SLC44A1: variants seen among roughly 807,000 people sequenced by gnomAD.
SLC44A1 encodes solute carrier family 44 member 1, also known as choline transporter-like protein 1.
A neutral mutation model predicts 79.3 loss-of-function variants in SLC44A1; 26 were observed. The observed-to-expected ratio is 0.33, with a 90% CI of 0.24 to 0.46. The LOEUF is 0.46. Among genes scored for constraint, SLC44A1 ranks in the 20% least tolerant of loss-of-function variants. SLC44A1 has a pLI of 1.00. For missense variants in SLC44A1, 688 were observed against 798.1 expected, an observed-to-expected ratio of 0.86 and a Z score of 1.66; for synonymous variants, 263 against 286.2, an observed-to-expected ratio of 0.92 and a Z score of 0.82.
At chr9:105,434,476 G>A (rs1204703045) in intron 15 of SLC44A1, among the ~76,000 whole-genome samples, 1 of 152,178 alleles carries the variant, frequency 6.6e-6, no homozygotes, top group African/African-American at 2.4e-5. Context: ...AGAAAGTAGG[G>A]CAAAAATAAG....
intron 15 of SLC44A1, among the ~76,000 whole-genome samples, chr9:105,419,278 T>C (rs745855699): frequency 1.3e-5 from 2 of 152,198 alleles, no homozygotes; most frequent in Non-Finnish European, 2.9e-5. Context: ...TCCTGAAATA[T>C]TACCCTGCTG....
intron 3 of SLC44A1, among the ~76,000 whole-genome samples, chr9:105,323,873 ACT>A (rs1393081615): frequency 6.6e-6 from 1 of 151,988 alleles, no homozygotes; most frequent in Non-Finnish European, 1.5e-5. Context: ...GTAATTCTAA[ACT>A]TTCCCCACTC....
At chr9:105,264,089 T>G (rs1465850504) in intron 1 of SLC44A1, among the ~76,000 whole-genome samples, 5 of 152,220 alleles carry the variant, frequency 3.3e-5, no homozygotes, top group Non-Finnish European at 7.3e-5. Flanking sequence ...CCCTACCCTG[T>G]GCACCTACTT....
intron 15 of SLC44A1, among the ~76,000 whole-genome samples, chr9:105,431,199 T>C (rs1057336038): frequency 6.6e-6 from 1 of 152,228 alleles, no homozygotes; most frequent in African/African-American, 2.4e-5. Context: ...ATTTAGGTCA[T>C]TGATCTATTT....
intron 1 of SLC44A1, among the ~76,000 whole-genome samples, chr9:105,280,061 A>G (rs990310450): frequency 1.3e-5 from 2 of 152,262 alleles, no homozygotes; most frequent in African/African-American, 2.4e-5. Context: ...CTAGAGGGAC[A>G]TACATTGTTT....
In SLC44A1 at chr9:105,298,785, G is replaced by T. The variant is rs1350415232; in HGVS notation, c.37-435G>T. ...TAGCATTAAGAGTGAAGTTGGAAGAGTGTATTCATTTATTTATTCATTTTT... is the reference window on the plus strand; with the variant it reads ...TAGCATTAAGAGTGAAGTTGGAAGATTGTATTCATTTATTTATTCATTTTT... On this transcript the variant is annotated intron_variant, in intron 1 of 15. Transcript: ENST00000374720. Among the ~76,000 whole-genome samples the T allele has an allele frequency of 2.0e-5, 3 of 152,174 alleles. No individual in the cohort carries two copies. The East Asian group carries it at 5.8e-4, about 29-fold the overall frequency.
At chr9:105,274,823 G>A (rs971219915) in intron 1 of SLC44A1, among the ~76,000 whole-genome samples, 7 of 152,210 alleles carry the variant, frequency 4.6e-5, no homozygotes, top group Admixed American at 3.9e-4. Context: ...CATAGATAGG[G>A]TTAAGTGATT....
At chr9:105,372,907 G>A (rs887698342) in intron 12 of SLC44A1, among the ~76,000 whole-genome samples, 6 of 145,270 alleles carry the variant, frequency 4.1e-5, no homozygotes, top group African/African-American at 5.1e-5. Flanking sequence ...CCGAGATCCC[G>A]CCACTGCACT....
intron 1 of SLC44A1, among the ~76,000 whole-genome samples, chr9:105,291,897 T>C (rs1171175347): frequency 6.6e-6 from 1 of 152,214 alleles, no homozygotes; most frequent in African/African-American, 2.4e-5. Context: ...CTCTTGATTG[T>C]GCGTAAATTT....
At chr9:105,263,542 T>TC in intron 1 of SLC44A1, among the ~76,000 whole-genome samples, 1 of 150,998 alleles carries the variant, frequency 6.6e-6, no homozygotes, top group Non-Finnish European at 1.5e-5. Context: ...TGTGTATTTT[T>TC]TTTTTTTTTT....
At chr9:105,332,866 G>A (rs1349896860) in intron 3 of SLC44A1, among the ~76,000 whole-genome samples, 1 of 152,192 alleles carries the variant, frequency 6.6e-6, no homozygotes, top group African/African-American at 2.4e-5. Flanking sequence ...GAATCACTGA[G>A]TGCATACTAT....
intron 13 of SLC44A1, among the ~76,000 whole-genome samples, 190 bp from the exon 14 acceptor site, chr9:105,382,933 T>C (rs138862472): frequency 1.1e-4 from 17 of 152,348 alleles, no homozygotes; most frequent in Middle Eastern, 3.4e-3. Context: ...TTAAAATTTA[T>C]ATTATATGAT....
At chr9:105,407,570 G>C (rs1829044154) in intron 15 of SLC44A1, among the ~76,000 whole-genome samples, 1 of 152,150 alleles carries the variant, frequency 6.6e-6, no homozygotes, top group Non-Finnish European at 1.5e-5. Flanking sequence ...CACCAAAACT[G>C]AAAGAAGGCC....
intron 5 of SLC44A1, among the ~76,000 whole-genome samples, chr9:105,351,217 T>C (rs1233603478): frequency 1.3e-5 from 2 of 152,178 alleles, no homozygotes; most frequent in Non-Finnish European, 2.9e-5. Flanking sequence ...GAATTAATGA[T>C]ACAATAATGT....
At chr9:105,269,720 T>C (rs1830037128) in intron 1 of SLC44A1, among the ~76,000 whole-genome samples, 1 of 152,214 alleles carries the variant, frequency 6.6e-6, no homozygotes, top group Non-Finnish European at 1.5e-5. Flanking sequence ...CTCTCTGTGT[T>C]GTATTGCTGT....
intron 15 of SLC44A1, among the ~76,000 whole-genome samples, chr9:105,428,957 G>C (rs1829357527): frequency 6.6e-6 from 1 of 152,218 alleles, no homozygotes; most frequent in Non-Finnish European, 1.5e-5. Context: ...GCCTGCCTTA[G>C]CCTCCCAGAG....
In SLC44A1 at chr9:105,298,831, ATAT is replaced by A. The variant is rs1279101831; in HGVS notation, c.37-385_37-383del. Reference sequence around the variant, plus strand: ...TTTTTAAAAAGCCCTCACTGAGTACATATTATGAACCCTCAGGCATCATGTTAG... The same window carrying A: ...TTTTTAAAAAGCCCTCACTGAGTACATATGAACCCTCAGGCATCATGTTAG... On this transcript the variant is annotated intron_variant, in intron 1 of 15. Transcript: ENST00000374720. Among the ~76,000 whole-genome samples, 6 of 152,206 alleles carry A rather than the reference ATAT, an allele frequency of 3.9e-5. 1 individual carries two copies. The highest frequency in any genetic ancestry group is 1.4e-4 in the African/African-American group (6 of 41,444).
At chr9:105,420,997 TAAA>T (rs1829242229) in intron 15 of SLC44A1, among the ~76,000 whole-genome samples, 1 of 149,512 alleles carries the variant, frequency 6.7e-6, no homozygotes, top group South Asian at 2.1e-4. Flanking sequence ...TTTTGATAAA[TAAA>T]AACAATTCAG....
At chr9:105,422,281 C>CTTTTTT (rs554922812) in intron 15 of SLC44A1, among the ~76,000 whole-genome samples, 1 of 95,928 alleles carries the variant, frequency 1.0e-5, no homozygotes, top group Non-Finnish European at 2.0e-5. Flanking sequence ...CTGCTCCATC[C>CTTTTTT]TTTTTTTTTT....
Sources: gnomAD v4.1 joint callset for allele counts (sites outside exome capture counted in the v4.1 genomes callset) on GRCh38, gnomAD v4.1.1 for gene constraint, MANE v1.5 for transcripts, NCBI Gene and HGNC (gene_info 2026-07-23, HGNC 2026-07-21) for gene names.